The following MARCHF1 variants were observed in gnomAD, a reference collection of about 807,000 sequenced individuals.
The protein encoded by MARCHF1 is membrane associated ring-CH-type finger 1.
Under a neutral mutation model 54.2 loss-of-function variants are expected in MARCHF1, and 40 were observed. That is an observed-to-expected ratio of 0.74 (90% CI 0.57 to 0.96). The LOEUF (loss-of-function observed/expected upper bound fraction) is 0.96. MARCHF1 is among the 40% of genes least tolerant of loss of function. The probability of loss-of-function intolerance (pLI) is 0.00; values close to 1 mark genes in which losing one functional copy is unlikely to be tolerated. For missense variants in MARCHF1, 586 were observed against 656.5 expected (o/e 0.89, Z 1.17); for synonymous variants, 236 against 236.3 (o/e 1.00, Z 0.01).
intron 1 of MARCHF1, among the ~76,000 whole-genome samples, chr4:164,339,743 C>T (rs1729859671): frequency 6.6e-6 from 1 of 151,734 alleles, no homozygotes; most frequent in South Asian, 2.1e-4. Flanking sequence ...TAAATAGACA[C>T]TAGAGAACAA....
At chr4:163,818,241 TTTTC>T (rs1471944545) in intron 4 of MARCHF1, among the ~76,000 whole-genome samples, 3 of 152,110 alleles carry the variant, frequency 2.0e-5, no homozygotes, top group Non-Finnish European at 4.4e-5. Context: ...TGTCTTAATG[TTTTC>T]TTTTTCTATT....
At chr4:164,340,213 A>G (rs1729872661) in intron 1 of MARCHF1, among the ~76,000 whole-genome samples, 1 of 151,200 alleles carries the variant, frequency 6.6e-6, no homozygotes, top group Non-Finnish European at 1.5e-5. Flanking sequence ...ACCAAAGAGG[A>G]GGGAATACTT....
chr4:163,674,186 TAAC>T (rs1345352580), intron 5 of MARCHF1, among the ~76,000 whole-genome samples: 2 of 151,916 alleles, frequency 1.3e-5, no homozygotes, highest in Non-Finnish European at 2.9e-5. Flanking sequence ...TATAAAAACA[TAAC>T]AAAGCAAAAT....
At chr4:164,014,190 C>CAAAAAAAAA (rs70948689) in intron 2 of MARCHF1, among the ~76,000 whole-genome samples, 1 of 113,234 alleles carries the variant, frequency 8.8e-6, no homozygotes. Flanking sequence ...GACTGCATCT[C>CAAAAAAAAA]AAAAAAAAAA....
At chr4:164,197,496 G>C in intron 1 of MARCHF1, 2 of 1,613,670 alleles carry the variant, frequency 1.2e-6, no homozygotes, top group Non-Finnish European at 1.7e-6. Context: ...GGCCCCCTGA[G>C]ACTCTTAGTT....
At chr4:164,249,256 G>A (rs4496540) in intron 1 of MARCHF1, among the ~76,000 whole-genome samples, 142,126 of 152,126 alleles carry the variant, frequency 0.93, 66,444 homozygotes, top group African/African-American at 0.96. Context: ...TGGGTGAAGA[G>A]ATGATTGCAT....
intron 5 of MARCHF1, among the ~76,000 whole-genome samples, chr4:163,653,703 C>G (rs573665149): frequency 6.6e-6 from 1 of 151,718 alleles, no homozygotes; most frequent in Admixed American, 6.6e-5. Flanking sequence ...TTCTGAGGAA[C>G]TAGATGAGTG....
chr4:164,013,084 A>T (rs1467244252), intron 2 of MARCHF1, among the ~76,000 whole-genome samples: 1 of 152,206 alleles, frequency 6.6e-6, no homozygotes, highest in Non-Finnish European at 1.5e-5. Context: ...TGATGGAGAT[A>T]TGTGATCTTT....
intron 1 of MARCHF1, among the ~76,000 whole-genome samples, chr4:164,203,411 C>A (rs960482958): frequency 2.6e-5 from 4 of 152,104 alleles, no homozygotes; most frequent in Non-Finnish European, 5.9e-5. Flanking sequence ...GGTAGCCTGG[C>A]AGCCTGGAGA....
At chr4:164,127,363 T>C (rs1756206783) in intron 1 of MARCHF1, among the ~76,000 whole-genome samples, 1 of 152,214 alleles carries the variant, frequency 6.6e-6, no homozygotes, top group South Asian at 2.1e-4. Flanking sequence ...TAGAAAATGC[T>C]CAGCCTGTCC....
chr4:164,122,226 C>T (rs1443722034), intron 1 of MARCHF1, among the ~76,000 whole-genome samples: 2 of 152,080 alleles, frequency 1.3e-5, no homozygotes, highest in African/African-American at 4.8e-5. Context: ...GACAGTGATA[C>T]AAGAGTTAAG....
intron 4 of MARCHF1, among the ~76,000 whole-genome samples, chr4:163,843,515 T>G (rs995918182): frequency 2.0e-5 from 3 of 152,048 alleles, no homozygotes; most frequent in Non-Finnish European, 4.4e-5. Flanking sequence ...TCTGCAACCT[T>G]GCCAACACCT....
At chr4:163,737,153 C>CTTTTTTTT (rs1252109628) in intron 4 of MARCHF1, among the ~76,000 whole-genome samples, 1 of 79,238 alleles carries the variant, frequency 1.3e-5, no homozygotes, top group African/African-American at 4.8e-5. Flanking sequence ...GCGCTCGCAG[C>CTTTTTTTT]TTTTTTCTTT....
chr4:164,346,330 AG>A (rs770336969), intron 1 of MARCHF1, among the ~76,000 whole-genome samples: 3 of 152,180 alleles, frequency 2.0e-5, no homozygotes, highest in Non-Finnish European at 2.9e-5. Flanking sequence ...GTTATTAAAT[AG>A]GTAGAACCAC....
intron 1 of MARCHF1, among the ~76,000 whole-genome samples, chr4:164,168,663 T>TACACACACACACACACAC (rs3059785): frequency 2.7e-5 from 4 of 147,066 alleles, no homozygotes; most frequent in African/African-American, 1.0e-4. Context: ...TTATGTGGAA[T>TACACACACACACACACAC]ACACACACAC....
intron 1 of MARCHF1, among the ~76,000 whole-genome samples, chr4:164,113,175 T>C (rs1755870961): frequency 6.6e-6 from 1 of 151,936 alleles, no homozygotes; most frequent in African/African-American, 2.4e-5. Context: ...GAAATTGGTA[T>C]ATTAAAATCC....
intron 1 of MARCHF1, among the ~76,000 whole-genome samples, chr4:164,172,935 C>T (rs1730567088): frequency 6.7e-6 from 1 of 149,096 alleles, no homozygotes; most frequent in Non-Finnish European, 1.5e-5. Flanking sequence ...GAGCCGAGAT[C>T]ACGCCACTGC....
intron 1 of MARCHF1, among the ~76,000 whole-genome samples, chr4:164,286,735 T>TCAG (rs1422753167): frequency 6.7e-6 from 1 of 149,344 alleles, no homozygotes; most frequent in African/African-American, 2.4e-5. Context: ...TTTTATATAA[T>TCAG]AAATCTATAA....
intron 1 of MARCHF1, among the ~76,000 whole-genome samples, chr4:164,146,468 A>G (rs1729743020): frequency 6.6e-6 from 1 of 152,226 alleles, no homozygotes; most frequent in Non-Finnish European, 1.5e-5. Context: ...CTGGTACCAA[A>G]ACAGAGATAT....
Sources: allele counts gnomAD v4.1 joint callset (sites outside exome capture counted in the v4.1 genomes callset), GRCh38; gene constraint gnomAD v4.1.1; transcripts MANE v1.5; gene names NCBI Gene and HGNC (gene_info 2026-07-23, HGNC 2026-07-21).